Variants in COL4A5 observed in about 807,000 individuals in gnomAD.
COL4A5 encodes the protein collagen alpha-5(IV) chain.
In COL4A5, 26 loss-of-function variants were observed where a neutral mutation model predicts 130.2. The ratio of observed to expected loss-of-function variants is 0.20; its 90% confidence interval spans 0.15 to 0.28. The LOEUF (loss-of-function observed/expected upper bound fraction) is 0.28. Among genes scored for constraint, COL4A5 ranks in the 10% least tolerant of loss-of-function variants. The pLI is 1.00. For synonymous variants in COL4A5, 496 were observed against 439.6 expected, an observed-to-expected ratio of 1.13 and a Z score of -1.60; for missense variants, 1,131 against 1,344.3, an observed-to-expected ratio of 0.84 and a Z score of 2.48.
intron 36 of COL4A5, among the ~76,000 whole-genome samples, chrX:108,650,068 A>T (rs926359654): frequency 9.0e-6 from 1 of 111,390 alleles, no homozygotes; most frequent in Non-Finnish European, 1.9e-5. Flanking sequence ...TAAGAAAAAA[A>T]AACAAAAAAC....
chrX:108,578,179 G>C, intron 12 of COL4A5, 60 bp downstream of exon 12: 1 of 1,151,536 alleles, frequency 8.7e-7, no homozygotes, highest in Non-Finnish European at 1.2e-6. Context: ...GTAGTCATTT[G>C]AACTGTCTTT....
At chrX:108,579,802 G>C (rs897006041) in intron 13 of COL4A5, among the ~76,000 whole-genome samples, 2 of 111,600 alleles carry the variant, frequency 1.8e-5, no homozygotes, top group Non-Finnish European at 3.8e-5. Context: ...TATGTATGCC[G>C]TGTGACCCCA....
chrX:108,620,477 T>G, intron 31 of COL4A5, 51 bp downstream of exon 31: 1 of 999,820 alleles, frequency 1.0e-6, no homozygotes, highest in Non-Finnish European at 1.4e-6. Context: ...TTAAAACTAA[T>G]ACGACTCTGG....
chrX:108,581,326 T>C (rs185675320), intron 16 of COL4A5, among the ~76,000 whole-genome samples: 2 of 111,965 alleles, frequency 1.8e-5, no homozygotes, highest in Admixed American at 1.9e-4. Context: ...CATTTATCCT[T>C]TGCATTACAA....
intron 1 of COL4A5, among the ~76,000 whole-genome samples, chrX:108,497,901 A>G (rs2065047935): frequency 9.0e-6 from 1 of 111,534 alleles, no homozygotes; most frequent in Non-Finnish European, 1.9e-5. Flanking sequence ...TTTATATATT[A>G]TGGATACCAG....
Position 108,697,071 on chromosome X carries a change from CAA to C in COL4A5, c.*695_*696del, listed in dbSNP as rs1358128064. 9.0e-6 allele frequency: 1 copy of C among 111,260 alleles called. No homozygotes were observed. The highest frequency in any genetic ancestry group is 1.9e-5 in the Non-Finnish European group (1 of 52,942). 9.2% of individuals were successfully genotyped at this position (111,260 alleles called of 1,213,427 possible). ...TTCTGTTTTGATTTTTTTTAAAAAACAAACCCTTTTAGTCACTTTAATCAGAA... is the reference window on the plus strand; with the variant it reads ...TTCTGTTTTGATTTTTTTTAAAAAACACCCTTTTAGTCACTTTAATCAGAA... On this transcript the variant is annotated 3_prime_UTR_variant, in exon 53 of 53. Coordinates refer to ENST00000328300, the MANE Select transcript of COL4A5 (RefSeq NM_033380.3).
Position 108,440,141 on chromosome X carries a change from G to C in COL4A5, c.16G>C (p.Val6Leu). The change falls in exon 1 of 53, where the codon GTC (valine) becomes CTC (leucine). Residue 6 changes from valine (V) to leucine (L), a missense_variant. Transcript: ENST00000328300. MKLRGVSLAAGLFLLA... is the reference protein window; with the variant it reads MKLRGLSLAAGLFLLA... ...CCGGAGAAGAATGAAACTGCGTGGA[G>C]TCAGCCTGGCTGCCGGCTTGTTCTT... 1 of 1,209,144 alleles carries C rather than the reference G, an allele frequency of 8.3e-7. No individual in the cohort carries two copies. The highest frequency in any genetic ancestry group is 1.1e-6 in the Non-Finnish European group (1 of 894,433).
At chrX:108,472,427 A>G (rs2064782325) in intron 1 of COL4A5, among the ~76,000 whole-genome samples, 1 of 112,083 alleles carries the variant, frequency 8.9e-6, no homozygotes. Context: ...TTGATTTTCG[A>G]AGTATCCAAC....
rs768766113 is a variant in COL4A5 at position 108,484,290 on chromosome X, A to G, written c.81+44084A>G. ...TTGAATTCTCTGTCTGAATGGTCAC[A>G]TATCTCCATTTTTCTGGGATTGGTC... On this transcript the variant is annotated intron_variant, in intron 1 of 52. Transcript: ENST00000328300. Among the ~76,000 whole-genome samples, 6 of 111,987 alleles carry G rather than the reference A, an allele frequency of 5.4e-5. No homozygotes were observed. The East Asian group carries it at 1.7e-3, about 32-fold the overall frequency.
rs1396464301 is a variant in COL4A5, at chrX:108,559,287, G to A, written c.231+134G>A. On this transcript the variant is annotated intron_variant, in intron 3 of 52. Coordinates refer to ENST00000328300, the MANE Select transcript of COL4A5 (RefSeq NM_033380.3). The stretch of plus-strand genomic sequence containing the variant: ...TATGTAAATGAAACAATGGAATGAC[G>A]GGGAGTCTGTACTTTATTGTATTTT... 1.7e-5 allele frequency: 9 copies of A among 538,885 alleles called. No homozygotes were observed. The East Asian group carries it at 1.7e-4, about 10-fold the overall frequency. 44.4% of individuals were successfully genotyped at this position (538,885 alleles called of 1,213,427 possible). A position where few individuals can be genotyped will look rare whatever the true frequency, so the allele number is the denominator to read the frequency against.
intron 2 of COL4A5, among the ~76,000 whole-genome samples, chrX:108,554,176 T>A (rs1207831389): frequency 3.6e-5 from 4 of 111,414 alleles, no homozygotes; most frequent in Non-Finnish European, 7.5e-5. Context: ...ATTTCTGTAT[T>A]AGTCCATCTT....
At chrX:108,588,027 A>G (rs946681795) in intron 19 of COL4A5, among the ~76,000 whole-genome samples, 15 of 111,203 alleles carry the variant, frequency 1.3e-4, no homozygotes, top group African/African-American at 4.6e-4. Context: ...TTGTTATACA[A>G]TAAAATCTTA....
intron 1 of COL4A5, among the ~76,000 whole-genome samples, chrX:108,455,837 C>G (rs1043798496): frequency 1.8e-5 from 2 of 111,671 alleles, no homozygotes; most frequent in Non-Finnish European, 3.8e-5. Flanking sequence ...GTTCTATTCA[C>G]CTGTTTGTGC....
chrX:108,647,922 G>A (rs766425038), intron 36 of COL4A5, among the ~76,000 whole-genome samples: 3 of 111,616 alleles, frequency 2.7e-5, no homozygotes, highest in South Asian at 7.6e-4. Flanking sequence ...TGCATCCCAG[G>A]GATGAAGCCC....
At chrX:108,466,189 T>C (rs60000055) in intron 1 of COL4A5, among the ~76,000 whole-genome samples, 11,740 of 111,086 alleles carry the variant, frequency 0.11, 1,373 homozygotes, top group African/African-American at 0.34. Context: ...TCTATTGTGA[T>C]GAGTGCTGCT....
chrX:108,605,180 A>G (rs2066709644), intron 28 of COL4A5, among the ~76,000 whole-genome samples: 1 of 112,062 alleles, frequency 8.9e-6, no homozygotes. Context: ...CTAGCCTTCA[A>G]CCTACCTTAG....
intron 36 of COL4A5, among the ~76,000 whole-genome samples, chrX:108,634,496 G>A (rs923584233): frequency 2.7e-5 from 3 of 111,468 alleles, no homozygotes; most frequent in Non-Finnish European, 3.8e-5. Flanking sequence ...AAGTATAAAG[G>A]TTAACATGCT....
At chrX:108,524,231 A>G (rs1021847736) in intron 1 of COL4A5, among the ~76,000 whole-genome samples, 3 of 112,047 alleles carry the variant, frequency 2.7e-5, no homozygotes, top group African/African-American at 6.5e-5. Flanking sequence ...CAGAGTGGAC[A>G]TTCTTGTCTT....
intron 1 of COL4A5, among the ~76,000 whole-genome samples, chrX:108,505,105 C>G (rs2065112436): frequency 9.0e-6 from 1 of 111,235 alleles, no homozygotes; most frequent in South Asian, 3.8e-4. Context: ...AACTGGAGGC[C>G]ATTATTTTAA....
Sources: allele counts gnomAD v4.1 joint callset (sites outside exome capture counted in the v4.1 genomes callset), GRCh38; gene constraint gnomAD v4.1.1; transcripts MANE v1.5; gene names NCBI Gene and HGNC (gene_info 2026-07-23, HGNC 2026-07-21).